ARB2A: variants seen among roughly 807,000 people sequenced by gnomAD.
ARB2A encodes cotranscriptional regulator ARB2A.
At chr5:93,802,855 A>G in the ARB2A span, among the ~76,000 whole-genome samples, 1 of 152,136 alleles carries the variant, frequency 6.6e-6, no homozygotes, top group Non-Finnish European at 1.5e-5. Flanking sequence ...GTTTTTAAAG[A>G]AGCATAATGA....
At chr5:93,892,932 A>C in the ARB2A span, among the ~76,000 whole-genome samples, 1 of 152,176 alleles carries the variant, frequency 6.6e-6, no homozygotes, top group Non-Finnish European at 1.5e-5. Flanking sequence ...CATTGTTTTA[A>C]GTCTCAAAAA....
At chr5:93,901,693 A>G in the ARB2A span, among the ~76,000 whole-genome samples, 13 of 152,138 alleles carry the variant, frequency 8.5e-5, no homozygotes, top group African/African-American at 2.9e-4. Context: ...TAATATAAAG[A>G]ATATAGGAGA....
the ARB2A span, among the ~76,000 whole-genome samples, chr5:93,966,519 A>G: frequency 6.6e-6 from 1 of 152,152 alleles, no homozygotes; most frequent in Non-Finnish European, 1.5e-5. Flanking sequence ...AATTTGCAAC[A>G]TAGCAAACCA....
At chr5:93,907,024 G>A in the ARB2A span, among the ~76,000 whole-genome samples, 2 of 151,326 alleles carry the variant, frequency 1.3e-5, no homozygotes, top group Non-Finnish European at 3.0e-5. Flanking sequence ...ATAGATATAT[G>A]AGCATGCATG....
the ARB2A span, among the ~76,000 whole-genome samples, chr5:93,826,850 G>GT: frequency 3.4e-5 from 5 of 148,840 alleles, no homozygotes; most frequent in South Asian, 8.5e-4. Context: ...GCGGTGTTTG[G>GT]TTTTTTGTCC....
the ARB2A span, among the ~76,000 whole-genome samples, chr5:93,970,463 A>G: frequency 6.6e-6 from 1 of 152,210 alleles, no homozygotes; most frequent in Non-Finnish European, 1.5e-5. Context: ...AAGTTTTTAA[A>G]CATCTGAAAC....
chr5:93,650,381 T>C, the ARB2A span, among the ~76,000 whole-genome samples: 2 of 152,126 alleles, frequency 1.3e-5, no homozygotes, highest in Admixed American at 1.3e-4. Context: ...AAAAATTCAC[T>C]GGATGGACTT....
the ARB2A span, among the ~76,000 whole-genome samples, chr5:93,685,893 T>C: frequency 6.6e-6 from 1 of 152,224 alleles, no homozygotes; most frequent in African/African-American, 2.4e-5. Context: ...TGGTCATTTA[T>C]TCTGGACCAA....
the ARB2A span, among the ~76,000 whole-genome samples, chr5:93,774,594 A>G: frequency 7.1e-4 from 108 of 152,302 alleles, no homozygotes; most frequent in Non-Finnish European, 1.4e-3. Flanking sequence ...TAGACTATTT[A>G]GTGCCACATT....
the ARB2A span, among the ~76,000 whole-genome samples, chr5:93,693,649 T>C: frequency 6.6e-6 from 1 of 152,176 alleles, no homozygotes; most frequent in Non-Finnish European, 1.5e-5. Flanking sequence ...CTGGTACCAT[T>C]CCTTCTGAAA....
chr5:93,790,197 A>G, the ARB2A span, among the ~76,000 whole-genome samples: 1 of 152,174 alleles, frequency 6.6e-6, no homozygotes, highest in African/African-American at 2.4e-5. Context: ...CCCGTAAGTC[A>G]TAGGATTATT....
At chr5:93,787,261 T>TG in the ARB2A span, among the ~76,000 whole-genome samples, 1 of 152,152 alleles carries the variant, frequency 6.6e-6, no homozygotes, top group Non-Finnish European at 1.5e-5. Flanking sequence ...TAATTACACT[T>TG]AAGGTCAACA....
the ARB2A span, among the ~76,000 whole-genome samples, chr5:93,829,550 A>G: frequency 1.3e-5 from 2 of 152,180 alleles, no homozygotes; most frequent in Admixed American, 6.5e-5. Flanking sequence ...TAGATTATCA[A>G]ATTCTTGAGG....
the ARB2A span, among the ~76,000 whole-genome samples, chr5:94,002,574 G>C: frequency 6.6e-6 from 1 of 151,920 alleles, no homozygotes; most frequent in African/African-American, 2.4e-5. Context: ...AATTTGCCCT[G>C]TGACCTCACT....
chr5:93,850,696 CT>C, the ARB2A span, among the ~76,000 whole-genome samples: 1 of 152,100 alleles, frequency 6.6e-6, no homozygotes, highest in Admixed American at 6.6e-5. Flanking sequence ...AATTTAGACT[CT>C]TTTTGAAATC....
At chr5:93,998,330 T>G in the ARB2A span, among the ~76,000 whole-genome samples, 2 of 152,016 alleles carry the variant, frequency 1.3e-5, no homozygotes, top group Admixed American at 1.3e-4. Context: ...CTATTCGTAA[T>G]AGAATTTATC....
the ARB2A span, among the ~76,000 whole-genome samples, chr5:94,094,976 C>T: frequency 6.6e-6 from 1 of 152,178 alleles, no homozygotes; most frequent in African/African-American, 2.4e-5. Context: ...GTCCTCTCCC[C>T]ATGACGTCAT....
At chr5:93,986,890 G>C in the ARB2A span, among the ~76,000 whole-genome samples, 1 of 151,746 alleles carries the variant, frequency 6.6e-6, no homozygotes, top group Non-Finnish European at 1.5e-5. Context: ...AAGGCCGCAG[G>C]GTCCTCTGCC....
At chr5:94,019,763 C>T in the ARB2A span, among the ~76,000 whole-genome samples, 126 of 152,272 alleles carry the variant, frequency 8.3e-4, no homozygotes, top group Middle Eastern at 3.4e-3. Flanking sequence ...CCATTTGACC[C>T]AGCAATCCCA....
Sources: allele counts gnomAD v4.1 joint callset (sites outside exome capture counted in the v4.1 genomes callset), GRCh38; gene constraint gnomAD v4.1.1; transcripts MANE v1.5; gene names NCBI Gene and HGNC (gene_info 2026-07-23, HGNC 2026-07-21).